The following ADAMTS6 variants were observed in gnomAD, a reference collection of about 807,000 sequenced individuals.
ADAMTS6 encodes the protein ADAM metallopeptidase with thrombospondin type 1 motif 6.
A neutral mutation model predicts 144.3 loss-of-function variants in ADAMTS6; 23 were observed. That is an observed-to-expected ratio of 0.16 (90% CI 0.11 to 0.23). The LOEUF (loss-of-function observed/expected upper bound fraction) is 0.23. Among genes scored for constraint, ADAMTS6 ranks in the 10% least tolerant of loss-of-function variants. The pLI is 1.00. For missense variants in ADAMTS6, 999 were observed against 1,379.6 expected (o/e 0.72, Z 4.37); for synonymous variants, 444 against 457.5 (o/e 0.97, Z 0.38).
intron 7 of ADAMTS6, among the ~76,000 whole-genome samples, chr5:65,359,223 A>G (rs1749605835): frequency 1.3e-5 from 2 of 152,170 alleles, no homozygotes; most frequent in Non-Finnish European, 2.9e-5. Flanking sequence ...GAATCTTCTG[A>G]TCCATAGAAC....
At chr5:65,474,069 G>A in intron 1 of ADAMTS6, 117 bp from the exon 2 acceptor site, 1 of 362,148 alleles carries the variant, frequency 2.8e-6, no homozygotes, top group Non-Finnish European at 4.9e-6. Context: ...AGTTAAATTA[G>A]ACCATTGTTA....
chr5:65,329,339 A>G (rs75553188), intron 9 of ADAMTS6, 39 bp downstream of exon 9: 31,571 of 1,587,496 alleles, frequency 0.02, 806 homozygotes, highest in African/African-American at 0.12. Context: ...TCAAGAGCAG[A>G]GTTCTAAAAT....
In ADAMTS6 at chr5:65,149,881, A is replaced by G. The variant is rs17812189; in HGVS notation, c.*1955T>C. 0.054 allele frequency: 8,195 copies of G among 152,742 alleles called. 293 individuals carry two copies. The highest frequency in any genetic ancestry group is 0.13 in the Middle Eastern group (39 of 294). The allele number at this position is 152,742 out of a possible 1,614,324, so 9.5% of individuals were successfully genotyped here. On this transcript the variant is annotated 3_prime_UTR_variant, in exon 25 of 25. Transcript: ENST00000381055. ...TGGGCTGGTCTTCTAAGGGCATCTT[A>G]GATCCGGGCCCTGGTGATTCCTCTT...
chr5:65,214,382 AC>A lies in ADAMTS6; in HGVS notation c.2575+411del, dbSNP rs1420637989. 2.4e-5 allele frequency: 8 copies of A among 336,672 alleles called. No homozygotes were observed. The Admixed American group carries it at 3.5e-4, about 15-fold the overall frequency. 20.9% of individuals were successfully genotyped at this position (336,672 alleles called of 1,614,324 possible). A position where few individuals can be genotyped will look rare whatever the true frequency, so the allele number is the denominator to read the frequency against. On this transcript the variant is annotated intron_variant, in intron 20 of 24. Transcript: ENST00000381055. The surrounding 1 kb of genome is among the most constrained non-coding windows in gnomAD (Gnocchi z 4.6). Reference sequence around the variant, plus strand: ...TTGTGGCAAACACACAGGCACACAAACACACACAACAAGCACACAGCCGTAC... The same window carrying A: ...TTGTGGCAAACACACAGGCACACAAAACACACAACAAGCACACAGCCGTAC...
intron 7 of ADAMTS6, among the ~76,000 whole-genome samples, chr5:65,420,165 A>C (rs1755900271): frequency 6.6e-6 from 1 of 152,116 alleles, no homozygotes; most frequent in African/African-American, 2.4e-5. Context: ...AAACCATCAG[A>C]TCTTGTGAGA....
chr5:65,269,902 T>G (rs1761925527), intron 12 of ADAMTS6, among the ~76,000 whole-genome samples: 1 of 151,342 alleles, frequency 6.6e-6, no homozygotes, highest in Non-Finnish European at 1.5e-5. Context: ...CAAGTGATCC[T>G]CCTGTCTCAG....
chr5:65,468,831 T>A (rs6881609), intron 3 of ADAMTS6, among the ~76,000 whole-genome samples: 16,676 of 152,264 alleles, frequency 0.11, 1,922 homozygotes, highest in African/African-American at 0.29. Context: ...CATTAATGGC[T>A]CTGAAGTTAC....
At chr5:65,311,880 ATCTTAAAATGCCTC>A (rs1744528037) in intron 9 of ADAMTS6, among the ~76,000 whole-genome samples, 1 of 152,052 alleles carries the variant, frequency 6.6e-6, no homozygotes, top group Non-Finnish European at 1.5e-5. Context: ...GCGAAGGAAA[ATCTTAAAATGCCTC>A]GTTAAATTTT....
intron 7 of ADAMTS6, among the ~76,000 whole-genome samples, chr5:65,337,411 C>T (rs981349975): frequency 2.8e-4 from 42 of 151,908 alleles, no homozygotes; most frequent in African/African-American, 1.0e-3. Flanking sequence ...TTACTCTATT[C>T]ATTCTCTTAT....
intron 12 of ADAMTS6, among the ~76,000 whole-genome samples, chr5:65,266,336 T>G (rs751552184): frequency 6.6e-6 from 1 of 151,958 alleles, no homozygotes; most frequent in Non-Finnish European, 1.5e-5. Context: ...CTAAAAGGCC[T>G]TATACTGCAT....
intron 2 of ADAMTS6, 57 bp downstream of exon 2, chr5:65,473,520 T>C: frequency 6.8e-7 from 1 of 1,468,370 alleles, no homozygotes; most frequent in Non-Finnish European, 9.5e-7. Flanking sequence ...ATGCAGAATC[T>C]TTTCTTGTCC....
chr5:65,317,037 A>T (rs1025288371), intron 9 of ADAMTS6, among the ~76,000 whole-genome samples: 3 of 152,148 alleles, frequency 2.0e-5, no homozygotes, highest in African/African-American at 7.2e-5. Flanking sequence ...TCCTGACCTC[A>T]AGTAATCTAC....
At chr5:65,210,174 C>T (rs564969410) in intron 20 of ADAMTS6, 28 of 205,796 alleles carry the variant, frequency 1.4e-4, no homozygotes, top group Admixed American at 9.1e-4. Flanking sequence ...GAAGGCCGGC[C>T]GGGCGCGGTG....
At chr5:65,464,685 C>G (rs1428218081) in intron 3 of ADAMTS6, among the ~76,000 whole-genome samples, 2 of 152,302 alleles carry the variant, frequency 1.3e-5, no homozygotes, top group East Asian at 3.9e-4. Flanking sequence ...ACCTCCTCTC[C>G]TTCAAATATC....
Position 65,473,653 on chromosome 5 carries a change from C to T in ADAMTS6, c.21G>A (p.Thr7=), listed in dbSNP as rs1338591117. MEILWK[T]LTWILSLIMA... is the part of the protein sequence containing the mutation. ...TGATGAGGCTCAAAATCCAGGTCAACGTCTTCCACAAAATTTCCATAATTT... is the reference window on the plus strand; with the variant it reads ...TGATGAGGCTCAAAATCCAGGTCAATGTCTTCCACAAAATTTCCATAATTT... The change falls in exon 2 of 25, where the codon ACG becomes ACA. Residue 7 remains threonine (T), a synonymous_variant. Coordinates refer to ENST00000381055, the MANE Select transcript of ADAMTS6 (RefSeq NM_197941.4). The T allele has an allele frequency of 3.1e-6, 5 of 1,613,636 alleles. No individual in the cohort carries two copies. The highest frequency in any genetic ancestry group is 2.2e-5 in the East Asian group (1 of 44,860).
intron 12 of ADAMTS6, among the ~76,000 whole-genome samples, chr5:65,269,143 A>G (rs888848981): frequency 3.3e-5 from 5 of 152,174 alleles, no homozygotes; most frequent in Non-Finnish European, 7.4e-5. Context: ...TCTGCCCACC[A>G]TCATTTAAGG....
intron 22 of ADAMTS6, among the ~76,000 whole-genome samples, chr5:65,179,955 CG>C: frequency 2.4e-5 from 2 of 85,102 alleles, no homozygotes; most frequent in South Asian, 5.9e-4. Flanking sequence ...TGTGCACGCA[CG>C]CGCACACACA....
chr5:65,259,078 C>A (rs934577892), intron 14 of ADAMTS6, among the ~76,000 whole-genome samples: 1 of 151,960 alleles, frequency 6.6e-6, no homozygotes, highest in Non-Finnish European at 1.5e-5. Flanking sequence ...AGGAGCTGGC[C>A]GGGCATGATG....
intron 24 of ADAMTS6, among the ~76,000 whole-genome samples, chr5:65,160,431 C>G (rs1056754454): frequency 4.6e-5 from 7 of 151,944 alleles, no homozygotes; most frequent in African/African-American, 1.7e-4. Flanking sequence ...CTCAGCCTCC[C>G]GAGTAGCTGG....
Sources: gnomAD v4.1 joint callset for allele counts (sites outside exome capture counted in the v4.1 genomes callset) on GRCh38, gnomAD v4.1.1 for gene constraint, Gnocchi (gnomAD v3.1) non-coding constraint, MANE v1.5 for transcripts, NCBI Gene and HGNC (gene_info 2026-07-23, HGNC 2026-07-21) for gene names.